Variants in SLC13A5 observed in about 807,000 individuals in gnomAD.
SLC13A5 encodes the protein solute carrier family 13 member 5.
A neutral mutation model predicts 56.5 loss-of-function variants in SLC13A5; 25 were observed. The ratio of observed to expected loss-of-function variants is 0.44; its 90% confidence interval spans 0.32 to 0.62. SLC13A5 has a LOEUF of 0.62. Among genes scored for constraint, SLC13A5 ranks in the 20% least tolerant of loss-of-function variants. SLC13A5 has a pLI of 0.04. For missense variants in SLC13A5, 649 were observed against 737.8 expected (o/e 0.88, Z 1.39); for synonymous variants, 307 against 301.5 (o/e 1.02, Z -0.19).
chr17:6,696,243 C>T (rs545527968), intron 6 of SLC13A5, among the ~76,000 whole-genome samples: 26 of 152,262 alleles, frequency 1.7e-4, no homozygotes, highest in African/African-American at 5.3e-4. Context: ...TCGGAGCCTG[C>T]GCAAGGTGGG....
Position 6,703,975 on chromosome 17 carries a change from G to A in SLC13A5, c.450C>T (p.Pro150=), listed in dbSNP as rs763748475. Residue 150 remains proline, a synonymous_variant, in exon 4 of 12, where the codon CCC becomes CCT. Transcript: ENST00000433363. ...SNTATTAMMV[P]IVEAILQQME... ...TCTGCTGCAATATGGCCTCCACGAT[G>A]GGCACCATCATGGCCGTGGTTGCCG... 1.2e-6 allele frequency: 2 copies of A among 1,612,844 alleles called. No individual in the cohort carries two copies. The highest frequency in any genetic ancestry group is 2.7e-5 in the African/African-American group (2 of 74,896).
intron 7 of SLC13A5, among the ~76,000 whole-genome samples, 198 bp from the exon 8 acceptor site, chr17:6,694,395 G>T (rs1187618730): frequency 6.6e-6 from 1 of 152,126 alleles, no homozygotes; most frequent in Non-Finnish European, 1.5e-5. Context: ...GAGGCGGGCG[G>T]ATCACGAGGT....
Position 6,690,851 on chromosome 17 carries a change from G to A in SLC13A5, c.1365C>T (p.Leu455=), listed in dbSNP as rs572994797. The A allele has an allele frequency of 4.6e-5, 75 of 1,614,224 alleles. No homozygotes were observed. The highest frequency in any genetic ancestry group is 2.5e-4 in the African/African-American group (19 of 75,066). ...PAAITLILSL[L]VAVFTECTSN... is the part of the protein sequence containing the mutation. ...TTGTGCACTCAGTGAACACGGCAACGAGCAAGGACAAGATCAAGGTGATGG... is the reference window on the plus strand; with the variant it reads ...TTGTGCACTCAGTGAACACGGCAACAAGCAAGGACAAGATCAAGGTGATGG... The change falls in exon 10 of 12, where the codon CTC becomes CTT. Residue 455 remains leucine (L), a synonymous_variant. Coordinates refer to ENST00000433363, the MANE Select transcript of SLC13A5 (RefSeq NM_177550.5).
At position 6,686,271 on chromosome 17, in the gene SLC13A5, C is replaced by T; in HGVS notation, c.1643G>A (p.Gly548Glu). 6.2e-7 allele frequency: 1 copy of T among 1,614,128 alleles called. No homozygotes were observed. Among genetic ancestry groups the T allele is most frequent in the Non-Finnish European group, 8.5e-7 (1 of 1,180,024 alleles). Residue 548 changes from glycine (G) to glutamate (E), a missense_variant, in exon 12 of 12, where the codon GGA (glycine) becomes GAA (glutamate). Gly to Glu is a moderately conservative substitution (Grantham distance 98). Transcript: ENST00000433363. Reference protein sequence around the residue: ...FCVFLAVNTWGRAIFDLDHFP... With the variant: ...FCVFLAVNTWERAIFDLDHFP... The stretch of plus-strand genomic sequence containing the variant: ...ATGATCCAAGTCAAATATGGCCCGT[C>T]CCCAGGTGTTGACAGCCAAAAACAC...
intron 1 of SLC13A5, among the ~76,000 whole-genome samples, chr17:6,712,500 C>A (rs1974067766): frequency 6.6e-6 from 1 of 152,244 alleles, no homozygotes; most frequent in Admixed American, 6.5e-5. Flanking sequence ...AGCTTCCCTG[C>A]AACTCCAGGT....
intron 10 of SLC13A5, chr17:6,690,095 A>AAAAAAAAAG (rs1567614265): frequency 8.4e-6 from 1 of 119,590 alleles, no homozygotes; most frequent in Non-Finnish European, 1.7e-5. Context: ...AAAAAAAAAA[A>AAAAAAAAAG]CCATAGCCAC....
chr17:6,686,362 C>T, intron 11 of SLC13A5, 24 bp from the exon 12 acceptor site: 1 of 1,613,806 alleles, frequency 6.2e-7, no homozygotes, highest in Admixed American at 1.7e-5. Flanking sequence ...AGAGTCAGCA[C>T]CCTGAGGCCT....
intron 1 of SLC13A5, among the ~76,000 whole-genome samples, chr17:6,708,986 T>C (rs1255405754): frequency 1.4e-5 from 2 of 141,036 alleles, no homozygotes; most frequent in East Asian, 2.2e-4. Context: ...CTCTCGCTCT[T>C]TTATTTCTTT....
intron 9 of SLC13A5, among the ~76,000 whole-genome samples, chr17:6,691,562 C>A (rs934257456): frequency 1.3e-5 from 2 of 152,192 alleles, no homozygotes; most frequent in Non-Finnish European, 2.9e-5. Flanking sequence ...GGCAGACACT[C>A]CTGTTTCAGG....
In SLC13A5 at chr17:6,686,009, G is replaced by A; in HGVS notation, c.*198C>T. On this transcript the variant is annotated 3_prime_UTR_variant, in exon 12 of 12. Coordinates refer to ENST00000433363, the MANE Select transcript of SLC13A5 (RefSeq NM_177550.5). ...ACTGAGGGGTTCCCTTCATTTCTGA[G>A]CCTACCCTCCAGCTGCCCATGACCA... 1 of 730,090 alleles carries A rather than the reference G, an allele frequency of 1.4e-6. No homozygotes were observed. Among genetic ancestry groups the A allele is most frequent in the South Asian group, 1.7e-5 (1 of 57,320 alleles). The allele number at this position is 730,090 out of a possible 1,614,324, so 45.2% of individuals were successfully genotyped here.
chr17:6,702,862 T>C, intron 5 of SLC13A5, 108 bp downstream of exon 5: 1 of 1,412,204 alleles, frequency 7.1e-7, no homozygotes, highest in Non-Finnish European at 9.6e-7. Flanking sequence ...CAGGTCTGGC[T>C]GCCCCGAGGC....
chr17:6,712,991 C>T (rs913124379), intron 1 of SLC13A5, among the ~76,000 whole-genome samples: 1 of 152,218 alleles, frequency 6.6e-6, no homozygotes, highest in Admixed American at 6.5e-5. Flanking sequence ...CTTGCCTGGA[C>T]GGCTCTTGCG....
intron 3 of SLC13A5, chr17:6,705,302 G>A (rs973888822): frequency 6.6e-6 from 1 of 152,238 alleles, no homozygotes; most frequent in Admixed American, 6.5e-5. Flanking sequence ...TGACTCCCAG[G>A]ACAGGCAGTG....
rs745593295 is a variant in SLC13A5, at chr17:6,701,674, C to T, written c.717-548G>A. ...GCAGTGAGCCAACATCGCGCCACTG[C>T]ACTCCAGCCTGGGCGACAGAGCGAG... is the stretch of plus-strand genomic sequence containing the variant. On this transcript the variant is annotated intron_variant, in intron 5 of 11. Transcript: ENST00000433363. The surrounding 1 kb of genome is among the most constrained non-coding windows in gnomAD (Gnocchi z 4.1). Among the ~76,000 whole-genome samples the T allele has an allele frequency of 5.3e-5, 8 of 152,208 alleles. No homozygotes were observed. The highest frequency in any genetic ancestry group is 8.8e-5 in the Non-Finnish European group (6 of 68,038).
intron 6 of SLC13A5, among the ~76,000 whole-genome samples, chr17:6,698,660 C>G (rs888194756): frequency 2.0e-5 from 3 of 152,222 alleles, no homozygotes; most frequent in Admixed American, 2.0e-4. Flanking sequence ...CATCACCTCT[C>G]CATGCCTCAG....
At chr17:6,709,811 T>C (rs986877314) in intron 1 of SLC13A5, among the ~76,000 whole-genome samples, 1 of 152,178 alleles carries the variant, frequency 6.6e-6, no homozygotes, top group African/African-American at 2.4e-5. Flanking sequence ...ACCTCCCTAC[T>C]GGGAGGCAGG....
intron 10 of SLC13A5, 34 bp downstream of exon 10, chr17:6,690,745 T>C: frequency 2.5e-6 from 4 of 1,613,932 alleles, no homozygotes; most frequent in Non-Finnish European, 3.4e-6. Context: ...TCCTGTGAAA[T>C]GGAAGGGCTC....
chr17:6,690,800 G>A lies in SLC13A5; in HGVS notation c.1416C>T (p.Phe472=). 1.9e-6 allele frequency: 3 copies of A among 1,614,218 alleles called. No individual in the cohort carries two copies. Among genetic ancestry groups the A allele is most frequent in the Non-Finnish European group, 2.5e-6 (3 of 1,180,040 alleles). The stretch of plus-strand genomic sequence containing the variant: ...TTACCATGGAGGCAAAGATGGGCAG[G>A]AACAAGGTGGTGGTGGCCACGTTGC... The part of the protein sequence containing the change: ...CTSNVATTTL[F]LPIFASMSRS... The change falls in exon 10 of 12, where the codon TTC becomes TTT. Residue 472 remains phenylalanine, a synonymous_variant. Coordinates refer to ENST00000433363, the MANE Select transcript of SLC13A5 (RefSeq NM_177550.5).
intron 3 of SLC13A5, 106 bp from the exon 4 acceptor site, chr17:6,704,162 G>A: frequency 1.7e-6 from 2 of 1,204,276 alleles, no homozygotes; most frequent in African/African-American, 3.0e-5. Flanking sequence ...ATGCACAGGT[G>A]TTGAGGCCAA....
Sources: gnomAD v4.1 joint callset for allele counts (sites outside exome capture counted in the v4.1 genomes callset) on GRCh38, gnomAD v4.1.1 for gene constraint, Gnocchi (gnomAD v3.1) non-coding constraint, MANE v1.5 for transcripts, NCBI Gene and HGNC (gene_info 2026-07-23, HGNC 2026-07-21) for gene names.